Variants in FUT9 observed in about 807,000 individuals in gnomAD.
FUT9 encodes fucosyltransferase 9.
Under a neutral mutation model 29.7 loss-of-function variants are expected in FUT9, and 15 were observed. That is an observed-to-expected ratio of 0.51 (90% CI 0.34 to 0.78). The LOEUF is 0.78. Ranked by LOEUF, FUT9 falls within the 30% of genes least tolerant of loss-of-function variation. The pLI is 0.01. For synonymous variants in FUT9, 169 were observed against 153.7 expected (o/e 1.10, Z -0.74); for missense variants, 319 against 425.4 (o/e 0.75, Z 2.20).
Position 96,104,660 on chromosome 6 carries a change from A to T in FUT9, c.-97-9379A>T, listed in dbSNP as rs150732723. On this transcript the variant is annotated intron_variant, in intron 1 of 2. Coordinates refer to ENST00000302103, the MANE Select transcript of FUT9 (RefSeq NM_006581.4). Reference sequence around the variant, plus strand: ...ATTCTCCTGCCTCAGCCTCCCGAGTAGCTGGGATTACAGGCGCCTGCCATC... The same window carrying T: ...ATTCTCCTGCCTCAGCCTCCCGAGTTGCTGGGATTACAGGCGCCTGCCATC... 6.5e-3 allele frequency among the ~76,000 whole-genome samples: 982 copies of T among 152,132 alleles called. 4 individuals are homozygous for T. Among genetic ancestry groups the T allele is most frequent in the Admixed American group, 0.013 (193 of 15,278 alleles).
chr6:96,178,690 T>C (rs1389910770), intron 2 of FUT9, among the ~76,000 whole-genome samples: 1 of 152,176 alleles, frequency 6.6e-6, no homozygotes, highest in Non-Finnish European at 1.5e-5. Flanking sequence ...GAATTATTTA[T>C]GGGTTTCAAT....
At chr6:96,032,405 C>T (rs998066524) in intron 1 of FUT9, among the ~76,000 whole-genome samples, 6 of 150,830 alleles carry the variant, frequency 4.0e-5, no homozygotes, top group East Asian at 3.9e-4. Flanking sequence ...TAATTTTTTT[C>T]GCATAATACA....
rs186257826 is a variant in FUT9 at position 96,115,039 on chromosome 6, A to G, written c.-9+912A>G. Among the ~76,000 whole-genome samples the G allele has an allele frequency of 2.0e-5, 3 of 152,332 alleles. No homozygotes were observed. In the East Asian group the frequency reaches 5.8e-4, roughly 29 times the overall value. On this transcript the variant is annotated intron_variant, in intron 2 of 2. Transcript: ENST00000302103. ...TGCTGAAGCTCCTGTCTGAGAATATAAAGCTGTCAGAGAATTGCAGGTGGT... is the reference window on the plus strand; with the variant it reads ...TGCTGAAGCTCCTGTCTGAGAATATGAAGCTGTCAGAGAATTGCAGGTGGT...
intron 1 of FUT9, among the ~76,000 whole-genome samples, chr6:96,062,972 T>TGG (rs1770902760): frequency 6.6e-6 from 1 of 152,036 alleles, no homozygotes; most frequent in Admixed American, 6.6e-5. Context: ...GAAACAGAAA[T>TGG]GGGGGTGTTG....
At chr6:96,098,055 A>G (rs1227923956) in intron 1 of FUT9, among the ~76,000 whole-genome samples, 1 of 151,978 alleles carries the variant, frequency 6.6e-6, no homozygotes, top group Non-Finnish European at 1.5e-5. Context: ...TGTCTAAGTT[A>G]TTGCCTATTC....
chr6:96,142,785 T>C (rs1582263679), intron 2 of FUT9, among the ~76,000 whole-genome samples: 3 of 152,296 alleles, frequency 2.0e-5, no homozygotes, highest in Admixed American at 2.0e-4. Flanking sequence ...GTAGTATTTA[T>C]ATACAAACAC....
At chr6:96,180,240 T>C (rs942234875) in intron 2 of FUT9, among the ~76,000 whole-genome samples, 3 of 152,136 alleles carry the variant, frequency 2.0e-5, no homozygotes, top group Non-Finnish European at 4.4e-5. Context: ...GTTACTTACA[T>C]GTATCAATTC....
At chr6:96,023,767 G>A (rs1770114240) in intron 1 of FUT9, among the ~76,000 whole-genome samples, 1 of 151,888 alleles carries the variant, frequency 6.6e-6, no homozygotes, top group African/African-American at 2.4e-5. Context: ...TGGTCATACA[G>A]TGCTGTTGTA....
intron 1 of FUT9, among the ~76,000 whole-genome samples, chr6:96,078,405 C>CTGATTTTTTTTTTTTTTTTT (rs1201729276): frequency 8.8e-5 from 4 of 45,222 alleles, no homozygotes; most frequent in Admixed American, 3.8e-4. Flanking sequence ...TCATATTAGT[C>CTGATTTTTTTTTTTTTTTTT]TTCTTTTTTT....
chr6:96,197,241 CAGAG>C (rs1773643112), intron 2 of FUT9, among the ~76,000 whole-genome samples: 1 of 152,076 alleles, frequency 6.6e-6, no homozygotes, highest in South Asian at 2.1e-4. Context: ...TTATTATTAC[CAGAG>C]AGAGTTCTGA....
chr6:96,040,662 C>T (rs940924057), intron 1 of FUT9, among the ~76,000 whole-genome samples: 4 of 152,162 alleles, frequency 2.6e-5, no homozygotes, highest in African/African-American at 9.6e-5. Context: ...AGAGCAAGAA[C>T]AGTGCAGTGT....
intron 1 of FUT9, among the ~76,000 whole-genome samples, chr6:96,061,469 T>C (rs752874685): frequency 6.6e-5 from 10 of 151,786 alleles, no homozygotes; most frequent in Non-Finnish European, 1.3e-4. Flanking sequence ...TTTCATTTCA[T>C]ATTTGCCTTT....
At chr6:96,126,762 A>G (rs1415271280) in intron 2 of FUT9, among the ~76,000 whole-genome samples, 2 of 152,236 alleles carry the variant, frequency 1.3e-5, no homozygotes, top group South Asian at 2.1e-4. Context: ...TCACCTAAAT[A>G]CTTTCAATGG....
At chr6:96,098,692 C>T (rs989007444) in intron 1 of FUT9, among the ~76,000 whole-genome samples, 1 of 152,108 alleles carries the variant, frequency 6.6e-6, no homozygotes, top group African/African-American at 2.4e-5. Context: ...CAGGGACCTC[C>T]TGCAGTTTTA....
At chr6:96,060,269 C>T (rs372341842) in intron 1 of FUT9, among the ~76,000 whole-genome samples, 1 of 152,032 alleles carries the variant, frequency 6.6e-6, no homozygotes, top group African/African-American at 2.4e-5. Context: ...TAGAATATTC[C>T]ACAGAATATG....
rs566138446 is a variant in FUT9, at chr6:96,050,474, G to A, written c.-98+34262G>A. Among the ~76,000 whole-genome samples, 373 of 152,278 alleles carry A rather than the reference G, an allele frequency of 2.4e-3. 1 individual carries two copies. The highest frequency in any genetic ancestry group is 8.6e-3 in the African/African-American group (357 of 41,558). The stretch of plus-strand genomic sequence containing the variant: ...TTATCTAACCCAGTGCTTTTCAAGC[G>A]ATTCTAACAGAAGAGTTGTTTTCCT... On this transcript the variant is annotated intron_variant, in intron 1 of 2. Coordinates refer to ENST00000302103, the MANE Select transcript of FUT9 (RefSeq NM_006581.4).
intron 1 of FUT9, among the ~76,000 whole-genome samples, chr6:96,046,248 T>C: frequency 8.5e-6 from 1 of 117,336 alleles, no homozygotes; most frequent in African/African-American, 3.4e-5. Context: ...CACACACCCC[T>C]GAAGCAATCA....
At position 96,210,917 on chromosome 6, in the gene FUT9, A is replaced by G. The variant is rs1233158707; in HGVS notation, c.*6682A>G. 6.0e-6 allele frequency: 1 copy of G among 166,814 alleles called. No individual in the cohort carries two copies. The highest frequency in any genetic ancestry group is 6.6e-5 in the Admixed American group (1 of 15,246). The allele number at this position is 166,814 out of a possible 1,614,324, so 10.3% of individuals were successfully genotyped here. ...TCCTCAGATTTTGCAGCTGTAAAGC[A>G]GAGGTAGCATATTTCTGAGAAATTA... On this transcript the variant is annotated 3_prime_UTR_variant, in exon 3 of 3. Coordinates refer to ENST00000302103, the MANE Select transcript of FUT9 (RefSeq NM_006581.4).
intron 1 of FUT9, among the ~76,000 whole-genome samples, chr6:96,039,706 T>C (rs1333906129): frequency 1.3e-5 from 2 of 152,190 alleles, no homozygotes; most frequent in East Asian, 3.9e-4. Flanking sequence ...TTGCTTATTA[T>C]CTATCTTCTC....
Sources: gnomAD v4.1 joint callset for allele counts (sites outside exome capture counted in the v4.1 genomes callset) on GRCh38, gnomAD v4.1.1 for gene constraint, MANE v1.5 for transcripts, NCBI Gene and HGNC (gene_info 2026-07-23, HGNC 2026-07-21) for gene names.